EIF2AK4: variants seen among roughly 807,000 people sequenced by gnomAD.
EIF2AK4 encodes eukaryotic translation initiation factor 2 alpha kinase 4.
Under a neutral mutation model 211.1 loss-of-function variants are expected in EIF2AK4, and 139 were observed. That is an observed-to-expected ratio of 0.66 (90% CI 0.57 to 0.76). EIF2AK4 has a LOEUF of 0.76. Ranked by LOEUF, EIF2AK4 falls within the 30% of genes least tolerant of loss-of-function variation. The pLI is 0.00. For missense variants in EIF2AK4, 1,664 were observed against 2,043.8 expected (o/e 0.81, Z 3.58); for synonymous variants, 710 against 751.3 (o/e 0.94, Z 0.90).
rs747393045 is a variant in EIF2AK4 at position 40,034,461 on chromosome 15, G to A, written c.4892+17G>A. 7 of 1,586,962 alleles carry A rather than the reference G, an allele frequency of 4.4e-6. No individual in the cohort carries two copies. The highest frequency in any genetic ancestry group is 1.7e-4 in the Middle Eastern group (1 of 5,984). On this transcript the variant is annotated intron_variant, in intron 38 of 38. Coordinates refer to ENST00000263791, the MANE Select transcript of EIF2AK4 (RefSeq NM_001013703.4). ...AGAAAAAAAGTAAGTTATCACTTGGGCATAGCAGGGTTCACATGGTTAAAA... is the reference window on the plus strand; with the variant it reads ...AGAAAAAAAGTAAGTTATCACTTGGACATAGCAGGGTTCACATGGTTAAAA...
chr15:39,989,095 G>A (rs1183049428), intron 15 of EIF2AK4, among the ~76,000 whole-genome samples: 2 of 152,158 alleles, frequency 1.3e-5, no homozygotes, highest in East Asian at 1.9e-4. Context: ...CTAGGAACAC[G>A]GGGAAACCAG....
In EIF2AK4 at chr15:40,019,123, G is replaced by C. The variant is rs2035349143; in HGVS notation, c.4096G>C (p.Gly1366Arg). 2 of 1,607,636 alleles carry C rather than the reference G, an allele frequency of 1.2e-6. No homozygotes were observed. Among genetic ancestry groups the C allele is most frequent in the Non-Finnish European group, 1.7e-6 (2 of 1,176,962 alleles). ...IPQFRGPQAL[G>R]PVPTAIGVSI... is the part of the protein sequence containing the mutation. ...CCAGTTTAGAGGGCCACAAGCTCTGGGGCCAGTTCCCACTGCCATTGGGGT... is the reference window on the plus strand; with the variant it reads ...CCAGTTTAGAGGGCCACAAGCTCTGCGGCCAGTTCCCACTGCCATTGGGGT... Residue 1366 changes from glycine to arginine, a missense_variant, in exon 30 of 39, where the codon GGG (glycine) becomes CGG (arginine). Gly to Arg is a moderately radical substitution (Grantham distance 125). Coordinates refer to ENST00000263791, the MANE Select transcript of EIF2AK4 (RefSeq NM_001013703.4).
intron 31 of EIF2AK4, 111 bp from the exon 32 acceptor site, chr15:40,022,408 G>A: frequency 1.1e-6 from 1 of 898,862 alleles, no homozygotes. Flanking sequence ...CAGCATTTTA[G>A]TAATTCACAT....
chr15:39,996,779 T>TA (rs2035023818), intron 18 of EIF2AK4, among the ~76,000 whole-genome samples, 185 bp from the exon 19 acceptor site: 1 of 152,214 alleles, frequency 6.6e-6, no homozygotes, highest in East Asian at 1.9e-4. Context: ...ATCATCTGAA[T>TA]ACAAAATATA....
rs1025841788 is a variant in EIF2AK4, at chr15:40,010,295, C to T, written c.3693+565C>T. On this transcript the variant is annotated intron_variant, in intron 26 of 38. Coordinates refer to ENST00000263791, the MANE Select transcript of EIF2AK4 (RefSeq NM_001013703.4). Reference sequence around the variant, plus strand: ...ATTCTTCCAGTCTGCCTGTGCTTATCAGTAAAGTCATGTATAGATTTGCAT... The same window carrying T: ...ATTCTTCCAGTCTGCCTGTGCTTATTAGTAAAGTCATGTATAGATTTGCAT... Among the ~76,000 whole-genome samples the T allele has an allele frequency of 9.9e-5, 15 of 152,258 alleles. No homozygotes were observed. In the Middle Eastern group the frequency reaches 0.01, roughly 104 times the overall value.
At chr15:39,985,402 G>A (rs28369403) in intron 13 of EIF2AK4, among the ~76,000 whole-genome samples, 10,226 of 152,108 alleles carry the variant, frequency 0.067, 727 homozygotes, top group East Asian at 0.22. Flanking sequence ...CTATTGCTTG[G>A]AATAGTTTTA....
chr15:39,972,124 C>T (rs1426060115), intron 9 of EIF2AK4, among the ~76,000 whole-genome samples: 2 of 151,890 alleles, frequency 1.3e-5, no homozygotes, highest in Admixed American at 6.6e-5. Context: ...TTTGGGAGGC[C>T]GAGACAGGCA....
chr15:39,934,758 C>G (rs918761711), intron 1 of EIF2AK4, among the ~76,000 whole-genome samples: 7 of 152,216 alleles, frequency 4.6e-5, no homozygotes, highest in Admixed American at 3.3e-4. Flanking sequence ...ACAGGCCTTA[C>G]GTCCTCAATC....
chr15:39,949,034 T>C, intron 3 of EIF2AK4, 82 bp from the exon 4 acceptor site: 3 of 1,540,342 alleles, frequency 1.9e-6, no homozygotes, highest in South Asian at 1.2e-5. Flanking sequence ...ACCGCCAGTT[T>C]GCTTTCCTGT....
chr15:39,950,263 T>A (rs2034288323), intron 4 of EIF2AK4, among the ~76,000 whole-genome samples: 1 of 152,164 alleles, frequency 6.6e-6, no homozygotes. Flanking sequence ...ACAGATAACA[T>A]TAAAAACATG....
At chr15:39,939,147 C>T (rs542306359) in intron 1 of EIF2AK4, among the ~76,000 whole-genome samples, 104 of 152,298 alleles carry the variant, frequency 6.8e-4, no homozygotes, top group African/African-American at 2.4e-3. Flanking sequence ...TATTTGAAAT[C>T]ACTCGTCTTC....
intron 32 of EIF2AK4, among the ~76,000 whole-genome samples, chr15:40,023,912 G>T (rs1026074372): frequency 6.6e-6 from 1 of 152,090 alleles, no homozygotes; most frequent in Non-Finnish European, 1.5e-5. Flanking sequence ...TCAGCCCATA[G>T]CCTGCTTTTA....
chr15:39,998,616 T>C, intron 19 of EIF2AK4, 115 bp from the exon 20 acceptor site: 1 of 757,458 alleles, frequency 1.3e-6, no homozygotes, highest in Non-Finnish European at 2.2e-6. Flanking sequence ...GTATCACCTA[T>C]CTTTTCTTGC....
At chr15:39,974,472 G>A (rs936222219) in intron 11 of EIF2AK4, 1 of 152,098 alleles carries the variant, frequency 6.6e-6, no homozygotes, top group African/African-American at 2.4e-5. Context: ...AGTATCATTA[G>A]GAAGCATTAC....
intron 9 of EIF2AK4, among the ~76,000 whole-genome samples, chr15:39,971,532 T>TAATAA (rs924188285): frequency 8.6e-5 from 13 of 151,862 alleles, no homozygotes; most frequent in East Asian, 1.9e-4. Flanking sequence ...CTTCGTCTCA[T>TAATAA]AATAAAATAA....
Position 39,994,829 on chromosome 15 carries a change from T to A in EIF2AK4, c.2766+1981T>A, listed in dbSNP as rs939946991. The stretch of plus-strand genomic sequence containing the variant: ...CACTGTGAGTGTGGGCAGACACCTT[T>A]AGTGTCATTATTATTATTATTATTA... On this transcript the variant is annotated intron_variant, in intron 18 of 38. Coordinates refer to ENST00000263791, the MANE Select transcript of EIF2AK4 (RefSeq NM_001013703.4). Among the ~76,000 whole-genome samples the A allele has an allele frequency of 1.2e-4, 19 of 152,010 alleles. No homozygotes were observed. The Middle Eastern group carries it at 0.01, about 82-fold the overall frequency.
At chr15:40,010,984 C>A (rs1429790303) in intron 26 of EIF2AK4, among the ~76,000 whole-genome samples, 1 of 152,208 alleles carries the variant, frequency 6.6e-6, no homozygotes, top group Admixed American at 6.5e-5. Context: ...TCCCTCCCTG[C>A]CCAAACAAAT....
intron 16 of EIF2AK4, 113 bp from the exon 17 acceptor site, chr15:39,992,062 A>G (rs970868852): frequency 1.0e-6 from 1 of 989,634 alleles, no homozygotes; most frequent in African/African-American, 1.6e-5. Flanking sequence ...GCGTTATTAT[A>G]TTATTTTGAT....
At chr15:40,003,340 A>C (rs2035118415) in intron 23 of EIF2AK4, 26 bp downstream of exon 23, 2 of 1,612,974 alleles carry the variant, frequency 1.2e-6, no homozygotes, top group African/African-American at 2.7e-5. Context: ...CACTGCTGAC[A>C]ATCAGAATGC....
Sources: allele counts gnomAD v4.1 joint callset (sites outside exome capture counted in the v4.1 genomes callset), GRCh38; gene constraint gnomAD v4.1.1; transcripts MANE v1.5; gene names NCBI Gene and HGNC (gene_info 2026-07-23, HGNC 2026-07-21).